WASHC5: variants seen among roughly 807,000 people sequenced by gnomAD.
WASHC5 encodes WASH complex subunit strumpellin.
In WASHC5, 101 loss-of-function variants were observed where a neutral mutation model predicts 150.4. That is an observed-to-expected ratio of 0.67 (90% CI 0.57 to 0.79). The LOEUF is 0.79. Among genes scored for constraint, WASHC5 ranks in the 30% least tolerant of loss-of-function variants. WASHC5 has a pLI of 0.00. For synonymous variants in WASHC5, 467 were observed against 491.2 expected (o/e 0.95, Z 0.65); for missense variants, 1,195 against 1,396.3 (o/e 0.86, Z 2.30).
intron 16 of WASHC5, 72 bp downstream of exon 16, chr8:125,056,605 G>A (rs1322757154): frequency 1.3e-5 from 21 of 1,563,312 alleles, no homozygotes; most frequent in Non-Finnish European, 1.9e-5. Flanking sequence ...TATGGCAGGT[G>A]ACACAGGCCT....
At chr8:125,042,806 T>C (rs1448619674) in intron 23 of WASHC5, among the ~76,000 whole-genome samples, 1 of 152,126 alleles carries the variant, frequency 6.6e-6, no homozygotes, top group Middle Eastern at 3.2e-3. Context: ...CACGAGAGGA[T>C]ATCTAGCAGA....
rs770967342 is a variant in WASHC5 at position 125,059,562 on chromosome 8, T to C, written c.1522-20A>G. The C allele has an allele frequency of 1.7e-5, 28 of 1,603,492 alleles. No individual in the cohort carries two copies. The East Asian group carries it at 3.6e-4, about 20-fold the overall frequency. On this transcript the variant is annotated intron_variant, in intron 12 of 28. Transcript: ENST00000318410. Reference sequence around the variant, plus strand: ...TTGAACCTGTGTTACAGAAATATACTTAATTTAAAAATCCTGAATGGACTC... The same window carrying C: ...TTGAACCTGTGTTACAGAAATATACCTAATTTAAAAATCCTGAATGGACTC...
intron 19 of WASHC5, among the ~76,000 whole-genome samples, 163 bp downstream of exon 19, chr8:125,048,843 T>C (rs902301262): frequency 2.0e-5 from 3 of 152,194 alleles, no homozygotes; most frequent in African/African-American, 4.8e-5. Flanking sequence ...GGAAGTTACA[T>C]GCCATGTCCA....
chr8:125,068,905 A>G (rs1249350224), intron 9 of WASHC5, among the ~76,000 whole-genome samples: 2 of 152,276 alleles, frequency 1.3e-5, no homozygotes, highest in African/African-American at 2.4e-5. Flanking sequence ...AAGTTAAAAG[A>G]ATAGAATAAA....
chr8:125,048,819 G>C (rs528926558), intron 19 of WASHC5, among the ~76,000 whole-genome samples, 187 bp downstream of exon 19: 3 of 152,082 alleles, frequency 2.0e-5, no homozygotes, highest in Admixed American at 6.6e-5. Context: ...GCCTTCTTAG[G>C]ACAGTGAGCT....
chr8:125,088,063 G>A (rs546888427), intron 1 of WASHC5, among the ~76,000 whole-genome samples: 2 of 152,204 alleles, frequency 1.3e-5, no homozygotes, highest in South Asian at 2.1e-4. Flanking sequence ...TTCTAAAGTG[G>A]TCCCTAATGA....
At chr8:125,039,319 G>A (rs780930248) in intron 24 of WASHC5, among the ~76,000 whole-genome samples, 23 of 152,130 alleles carry the variant, frequency 1.5e-4, no homozygotes, top group Admixed American at 9.2e-4. Context: ...CTGGTGAGGC[G>A]GAGGATATGA....
chr8:125,046,330 T>G (rs1816068017), intron 20 of WASHC5, among the ~76,000 whole-genome samples: 1 of 152,194 alleles, frequency 6.6e-6, no homozygotes, highest in Non-Finnish European at 1.5e-5. Flanking sequence ...CTGGACTTAC[T>G]AGAGGCAGCA....
intron 26 of WASHC5, among the ~76,000 whole-genome samples, chr8:125,033,126 A>G (rs1477692968): frequency 6.6e-6 from 1 of 152,164 alleles, no homozygotes; most frequent in African/African-American, 2.4e-5. Context: ...GGGTGGCTGC[A>G]TGGGAAACCA....
chr8:125,048,779 G>C (rs1351051553), intron 19 of WASHC5, among the ~76,000 whole-genome samples: 1 of 152,150 alleles, frequency 6.6e-6, no homozygotes, highest in East Asian at 1.9e-4. Flanking sequence ...ACAACAAACA[G>C]CTTCATTCTG....
chr8:125,067,940 T>C (rs1007651384), intron 9 of WASHC5, among the ~76,000 whole-genome samples: 1 of 152,218 alleles, frequency 6.6e-6, no homozygotes. Context: ...CCTTGAAAGA[T>C]TGTTGAATGA....
At chr8:125,076,739 T>C in intron 6 of WASHC5, among the ~76,000 whole-genome samples, 1 of 84,160 alleles carries the variant, frequency 1.2e-5, no homozygotes, top group East Asian at 2.8e-4. Flanking sequence ...TTCTAAGTCT[T>C]TTCTTAAAAA....
intron 9 of WASHC5, among the ~76,000 whole-genome samples, chr8:125,070,248 A>G (rs1465545274): frequency 5.3e-5 from 8 of 152,238 alleles, no homozygotes; most frequent in Admixed American, 3.3e-4. Context: ...TCTGAACACC[A>G]TGACTGAAAT....
At chr8:125,085,981 C>T (rs1267234510) in intron 1 of WASHC5, among the ~76,000 whole-genome samples, 1 of 152,150 alleles carries the variant, frequency 6.6e-6, no homozygotes, top group Non-Finnish European at 1.5e-5. Context: ...GGAAAGCAAT[C>T]TGATTATAAT....
At chr8:125,057,779 C>CAACAACCACCGAATCTCATCAATATA in intron 14 of WASHC5, 113 bp from the exon 15 acceptor site, 1 of 717,300 alleles carries the variant, frequency 1.4e-6, no homozygotes, top group Non-Finnish European at 2.4e-6. Flanking sequence ...CAACAGAGGG[C>CAACAACCACCGAATCTCATCAATATA]ATTAATAGTT....
chr8:125,067,683 T>C lies in WASHC5; in HGVS notation c.1187A>G (p.Lys396Arg), dbSNP rs142423043. The C allele has an allele frequency of 4.5e-4, 719 of 1,613,976 alleles. 3 individuals carry two copies. Among genetic ancestry groups the C allele is most frequent in the Admixed American group, 4.1e-3 (247 of 60,014 alleles). The change falls in exon 10 of 29, where the codon AAG (lysine) becomes AGG (arginine). Residue 396 changes from lysine to arginine, a missense_variant. This residue lies in a region of WASHC5 where 997 missense variants were observed against 1,168.1 expected (regional missense o/e 0.85). Coordinates refer to ENST00000318410, the MANE Select transcript of WASHC5 (RefSeq NM_014846.4). ...CCGAGAGTCTGTTAGAATCTGGTCC[T>C]TGATTTGACGAAGGCGTTTGTTGTT... ...DPNNKRLRQI[K>R]DQILTDSRYN...
chr8:125,086,611 T>C (rs539174710), intron 1 of WASHC5, among the ~76,000 whole-genome samples: 1 of 152,328 alleles, frequency 6.6e-6, no homozygotes, highest in East Asian at 1.9e-4. Flanking sequence ...AACATATAAA[T>C]TTTGGGGGGA....
chr8:125,078,423 G>T (rs1054177416), intron 6 of WASHC5, among the ~76,000 whole-genome samples: 1 of 152,110 alleles, frequency 6.6e-6, no homozygotes, highest in South Asian at 2.1e-4. Flanking sequence ...TGTCTTCTTC[G>T]GTGATGGGTC....
chr8:125,056,560 A>T (rs1816411662), intron 16 of WASHC5, 117 bp downstream of exon 16: 1 of 1,172,658 alleles, frequency 8.5e-7, no homozygotes, highest in South Asian at 1.2e-5. Flanking sequence ...CAAATGTGAG[A>T]CAACAAGTCA....
Sources: allele counts gnomAD v4.1 joint callset (sites outside exome capture counted in the v4.1 genomes callset), GRCh38; gene constraint gnomAD v4.1.1; regional missense constraint gnomAD v4.1.1; transcripts MANE v1.5; gene names NCBI Gene and HGNC (gene_info 2026-07-23, HGNC 2026-07-21).